The following ZC3H3 variants were observed in gnomAD, a reference collection of about 807,000 sequenced individuals.
The protein encoded by ZC3H3 is zinc finger CCCH domain-containing protein 3.
In ZC3H3, 36 loss-of-function variants were observed where a neutral mutation model predicts 77.3. The ratio of observed to expected loss-of-function variants is 0.47; its 90% CI spans 0.36 to 0.61. The LOEUF (loss-of-function observed/expected upper bound fraction) is 0.61. Ranked by LOEUF, ZC3H3 falls within the 20% of genes least tolerant of loss-of-function variation. The pLI, the probability that ZC3H3 is intolerant of heterozygous loss-of-function variation, is 0.00. For synonymous variants in ZC3H3, 626 were observed against 555.2 expected, an observed-to-expected ratio of 1.13 and a Z score of -1.79; for missense variants, 1,331 against 1,312.2, an observed-to-expected ratio of 1.01 and a Z score of -0.22.
intron 9 of ZC3H3, among the ~76,000 whole-genome samples, chr8:143,452,337 A>G (rs1330162197): frequency 6.6e-6 from 1 of 152,170 alleles, no homozygotes; most frequent in Non-Finnish European, 1.5e-5. Flanking sequence ...TGTTTTCCAC[A>G]CCACCCTCCA....
Position 143,530,077 on chromosome 8 carries a change from G to A in ZC3H3, c.1561+6180C>T, listed in dbSNP as rs1032938466. Among the ~76,000 whole-genome samples the A allele has an allele frequency of 7.9e-5, 12 of 152,230 alleles. No individual in the cohort carries two copies. Among genetic ancestry groups the A allele is most frequent in the African/African-American group, 2.9e-4 (12 of 41,456 alleles). On this transcript the variant is annotated intron_variant, in intron 3 of 11. Coordinates refer to ENST00000262577, the MANE Select transcript of ZC3H3 (RefSeq NM_015117.3). This position sits in a 1 kb window ranked among gnomAD's most constrained non-coding sequence, Gnocchi z 4.3. The stretch of plus-strand genomic sequence containing the variant: ...GACGGGTAGGAATCGCCCTCCGTGT[G>A]TACAGCAAGCTCTGGGCCAGAGGCA...
At chr8:143,514,546 G>A (rs1219964257) in intron 3 of ZC3H3, among the ~76,000 whole-genome samples, 2 of 152,230 alleles carry the variant, frequency 1.3e-5, no homozygotes, top group East Asian at 1.9e-4. Context: ...ACAGGCGTGA[G>A]CACACGTGCA....
chr8:143,458,846 C>T (rs186080820), intron 9 of ZC3H3, among the ~76,000 whole-genome samples: 12 of 136,242 alleles, frequency 8.8e-5, no homozygotes, highest in East Asian at 7.0e-4. Flanking sequence ...CACAGCTGGG[C>T]GCAGTGGCTC....
chr8:143,517,048 C>T (rs1822079425), intron 3 of ZC3H3, among the ~76,000 whole-genome samples: 1 of 152,196 alleles, frequency 6.6e-6, no homozygotes, highest in African/African-American at 2.4e-5. Context: ...CGCAGCACCA[C>T]CGAAGCCGCT....
chr8:143,482,768 G>A (rs1203849437), intron 4 of ZC3H3, among the ~76,000 whole-genome samples: 3 of 152,228 alleles, frequency 2.0e-5, no homozygotes, highest in Admixed American at 6.5e-5. Context: ...TGCTACGGAC[G>A]TGACACAGGG....
chr8:143,471,979 G>A (rs371780465), intron 5 of ZC3H3, among the ~76,000 whole-genome samples: 5 of 152,216 alleles, frequency 3.3e-5, no homozygotes, highest in South Asian at 2.1e-4. Context: ...GGGCGAGTGC[G>A]GCCTCACTGG....
intron 9 of ZC3H3, among the ~76,000 whole-genome samples, chr8:143,463,281 G>C (rs1023418768): frequency 6.7e-6 from 1 of 149,968 alleles, no homozygotes; most frequent in South Asian, 2.1e-4. Flanking sequence ...CACCGCGCCC[G>C]GCCCAGACCC....
intron 9 of ZC3H3, among the ~76,000 whole-genome samples, chr8:143,446,937 G>A (rs1819875561): frequency 6.6e-6 from 1 of 152,260 alleles, no homozygotes; most frequent in Non-Finnish European, 1.5e-5. Context: ...GAATCTCCCA[G>A]GCACCAGGTC....
intron 3 of ZC3H3, among the ~76,000 whole-genome samples, chr8:143,526,209 C>T (rs937104445): frequency 6.6e-6 from 1 of 152,220 alleles, no homozygotes; most frequent in Non-Finnish European, 1.5e-5. Context: ...AGGCAAGAGC[C>T]CAGCACCTCC....
At chr8:143,454,701 G>A (rs748815386) in intron 9 of ZC3H3, among the ~76,000 whole-genome samples, 9 of 151,998 alleles carry the variant, frequency 5.9e-5, no homozygotes, top group East Asian at 1.9e-4. Context: ...ATGAGCCACC[G>A]CGCCCAGCCA....
intron 3 of ZC3H3, among the ~76,000 whole-genome samples, chr8:143,518,423 C>A (rs1449229982): frequency 6.6e-6 from 1 of 152,232 alleles, no homozygotes; most frequent in Admixed American, 6.5e-5. Flanking sequence ...TGAGCATAGC[C>A]CAAGAAAGAC....
intron 4 of ZC3H3, among the ~76,000 whole-genome samples, chr8:143,477,930 G>A (rs1820783863): frequency 6.6e-6 from 1 of 152,162 alleles, no homozygotes; most frequent in South Asian, 2.1e-4. Context: ...AGGCTGCTCA[G>A]GGCCAGCCTG....
chr8:143,465,683 A>C (rs200175526), intron 9 of ZC3H3, 34 bp downstream of exon 9: 1 of 1,610,460 alleles, frequency 6.2e-7, no homozygotes, highest in Non-Finnish European at 8.5e-7. Context: ...AGCCACAGGA[A>C]CCCCGCCCAC....
At position 143,440,216 on chromosome 8, in the gene ZC3H3, T is replaced by TTTGGAGGAG; in HGVS notation, c.2639_2640insCTCCTCCAA (p.Ser881_Pro882insSerLysSer). 1.3e-6 allele frequency: 2 copies of TTTGGAGGAG among 1,568,102 alleles called. No individual in the cohort carries two copies. The highest frequency in any genetic ancestry group is 1.7e-6 in the Non-Finnish European group (2 of 1,147,826). On this transcript the variant is annotated inframe_insertion, in exon 11 of 12. Transcript: ENST00000262577. ...CGTGGTCCAAGGAAGCGGGAGGGGA[T>TTTGGAGGAG]GAGGAGGAGGAGGAGGAGGAGGAAG...
chr8:143,516,507 C>T (rs989903620), intron 3 of ZC3H3, among the ~76,000 whole-genome samples: 2 of 150,490 alleles, frequency 1.3e-5, no homozygotes, highest in African/African-American at 4.9e-5. Flanking sequence ...CTCGTCAGCG[C>T]GAAAGGAAAC....
intron 5 of ZC3H3, among the ~76,000 whole-genome samples, chr8:143,473,322 G>A (rs568155468): frequency 1.1e-4 from 16 of 152,238 alleles, no homozygotes; most frequent in East Asian, 1.9e-4. Flanking sequence ...TCCCTTCTGG[G>A]CCCTCTCAGT....
Position 143,440,338 on chromosome 8 carries a change from TGG to T in ZC3H3, c.2516_2517del (p.Pro839HisfsTer92), listed in dbSNP as rs761580336. 6.5e-7 allele frequency: 1 copy of T among 1,535,256 alleles called. No individual in the cohort carries two copies. The highest frequency in any genetic ancestry group is 1.3e-5 in the South Asian group (1 of 79,896). ...GCAGCCGAGCTGGGCGTCTGCCTGGTGGGGCGCTGGGATGCTGAAGGCTTCCT... is the reference window on the plus strand; with the variant it reads ...GCAGCCGAGCTGGGCGTCTGCCTGGTGGCGCTGGGATGCTGAAGGCTTCCT... ...GPRKPSASQR[P>X]TRQTPSSAAL... On this transcript the variant is annotated frameshift_variant, in exon 11 of 12. Coordinates refer to ENST00000262577, the MANE Select transcript of ZC3H3 (RefSeq NM_015117.3). LOFTEE classifies it high-confidence loss of function.
At chr8:143,471,594 A>T (rs766720009) in intron 5 of ZC3H3, among the ~76,000 whole-genome samples, 1 of 152,332 alleles carries the variant, frequency 6.6e-6, no homozygotes, top group African/African-American at 2.4e-5. Flanking sequence ...GGGGGCCCAC[A>T]CAGGATTCTG....
At chr8:143,470,396 A>G (rs1227551151) in intron 5 of ZC3H3, among the ~76,000 whole-genome samples, 1 of 152,190 alleles carries the variant, frequency 6.6e-6, no homozygotes, top group African/African-American at 2.4e-5. Flanking sequence ...AGGGAGGGTG[A>G]TGAGGGTCTT....
Sources: gnomAD v4.1 joint callset for allele counts (sites outside exome capture counted in the v4.1 genomes callset) on GRCh38, gnomAD v4.1.1 for gene constraint, Gnocchi (gnomAD v3.1) non-coding constraint, MANE v1.5 for transcripts, NCBI Gene and HGNC (gene_info 2026-07-23, HGNC 2026-07-21) for gene names.